The following TG variants were observed in gnomAD, a reference collection of about 807,000 sequenced individuals.
TG encodes the protein thyroid hormones.
Under a neutral mutation model 324.7 loss-of-function variants are expected in TG, and 270 were observed. That is an observed-to-expected ratio of 0.83 (90% CI 0.75 to 0.92). The LOEUF (loss-of-function observed/expected upper bound fraction) is 0.92. TG is among the 40% of genes least tolerant of loss of function. TG has a pLI of 0.00. For missense variants in TG, 3,591 were observed against 3,456.4 expected, an observed-to-expected ratio of 1.04 and a Z score of -0.98; for synonymous variants, 1,401 against 1,327.0, an observed-to-expected ratio of 1.06 and a Z score of -1.21.
chr8:133,046,606 A>T (rs912202833), intron 41 of TG: 1 of 152,206 alleles, frequency 6.6e-6, no homozygotes, highest in African/African-American at 2.4e-5. Flanking sequence ...GCCTGATGAC[A>T]TCGTTATTTT....
At chr8:132,932,651 T>C (rs960476983) in intron 23 of TG, among the ~76,000 whole-genome samples, 1 of 152,234 alleles carries the variant, frequency 6.6e-6, no homozygotes, top group African/African-American at 2.4e-5. Context: ...TCGTTACTCA[T>C]GAATATTACA....
intron 26 of TG, among the ~76,000 whole-genome samples, chr8:132,945,698 ACAGGTAGAGAATATG>A (rs1825161783): frequency 6.6e-6 from 1 of 152,194 alleles, no homozygotes; most frequent in Non-Finnish European, 1.5e-5. Flanking sequence ...CAGCTACATA[ACAGGTAGAGAATATG>A]CAAAGAGATA....
chr8:132,976,990 A>T (rs1830251912), intron 34 of TG, among the ~76,000 whole-genome samples: 1 of 152,214 alleles, frequency 6.6e-6, no homozygotes, highest in East Asian at 1.9e-4. Context: ...CAGGTGGGCC[A>T]TGTGGACCAG....
At chr8:133,082,964 T>G (rs996292714) in intron 41 of TG, among the ~76,000 whole-genome samples, 1 of 152,222 alleles carries the variant, frequency 6.6e-6, no homozygotes, top group Admixed American at 6.5e-5. Flanking sequence ...TGAAATCATC[T>G]GTCAGCGCCT....
chr8:132,896,712 G>A (rs566223359), intron 11 of TG, among the ~76,000 whole-genome samples: 3 of 151,908 alleles, frequency 2.0e-5, no homozygotes, highest in African/African-American at 4.8e-5. Flanking sequence ...ATTCATTCAC[G>A]CTTTTTTCCC....
chr8:132,901,476 G>A lies in TG; in HGVS notation c.3557G>A (p.Gly1186Asp). 1 of 1,614,192 alleles carries A rather than the reference G, an allele frequency of 6.2e-7. No individual in the cohort carries two copies. The highest frequency in any genetic ancestry group is 1.7e-5 in the Admixed American group (1 of 60,038). The change falls in exon 16 of 48, where the codon GGC becomes GAC. Residue 1186 changes from glycine to aspartate, a missense_variant. Transcript: ENST00000220616. Reference sequence around the variant, plus strand: ...CCAGTGCAATGTGACCAGGCCCAGGGCAGCTGCTGGTGTGTCATGGACAGC... The same window carrying A: ...CCAGTGCAATGTGACCAGGCCCAGGACAGCTGCTGGTGTGTCATGGACAGC... ...FSPVQCDQAQ[G>D]SCWCVMDSGE...
At chr8:132,948,563 G>C (rs1170876899) in intron 26 of TG, among the ~76,000 whole-genome samples, 1 of 152,140 alleles carries the variant, frequency 6.6e-6, no homozygotes, top group Non-Finnish European at 1.5e-5. Flanking sequence ...CTTGAAGGTG[G>C]CCCTCCCCTT....
intron 41 of TG, chr8:133,076,793 C>T (rs1008509177): frequency 1.3e-5 from 2 of 150,488 alleles, no homozygotes; most frequent in Non-Finnish European, 2.9e-5. Context: ...CTGCAAAAGC[C>T]CTGCCCTTCC....
At chr8:132,900,429 C>G (rs1301023977) in intron 15 of TG, 90 bp downstream of exon 15, 34 of 1,205,040 alleles carry the variant, frequency 2.8e-5, no homozygotes, top group Middle Eastern at 5.4e-4. Flanking sequence ...TGTCCCAGCT[C>G]TACTGCTTCC....
intron 47 of TG, among the ~76,000 whole-genome samples, chr8:133,133,913 G>C (rs1852147496): frequency 6.6e-6 from 1 of 152,186 alleles, no homozygotes; most frequent in South Asian, 2.1e-4. Flanking sequence ...AGGAGAGAAG[G>C]TCTATGGGGG....
At chr8:133,083,953 A>G (rs952257400) in intron 41 of TG, among the ~76,000 whole-genome samples, 4 of 152,072 alleles carry the variant, frequency 2.6e-5, no homozygotes, top group African/African-American at 9.7e-5. Context: ...AGCCCAGGCC[A>G]TGCCTCCTGT....
chr8:132,984,200 C>T lies in TG; in HGVS notation c.6262+788C>T, dbSNP rs145931770. 2.8e-3 allele frequency among the ~76,000 whole-genome samples: 427 copies of T among 152,294 alleles called. 2 individuals carry two copies. Among genetic ancestry groups the T allele is most frequent in the African/African-American group, 1.0e-2 (414 of 41,560 alleles). On this transcript the variant is annotated intron_variant, in intron 35 of 47. Coordinates refer to ENST00000220616, the MANE Select transcript of TG (RefSeq NM_003235.5). ...GTCCTGTGACATGATGTCTAAGGGGCCCTAGAAATCTGTCATTATGGCTAT... is the reference window on the plus strand; with the variant it reads ...GTCCTGTGACATGATGTCTAAGGGGTCCTAGAAATCTGTCATTATGGCTAT...
intron 41 of TG, chr8:133,049,557 A>G (rs1840041224): frequency 3.2e-6 from 1 of 308,618 alleles, no homozygotes; most frequent in Non-Finnish European, 6.3e-6. Flanking sequence ...TAAGTGACAG[A>G]GGCAGGATTT....
At chr8:133,067,897 AGGAAGGAAGGAAGGAAG>A (rs1564145710) in intron 41 of TG, among the ~76,000 whole-genome samples, 6 of 115,888 alleles carry the variant, frequency 5.2e-5, no homozygotes, top group East Asian at 3.2e-4. Context: ...TATGTATGGA[AGGAAGGAAGGAAGGAAG>A]GAAAGAGAGA....
At chr8:133,081,030 T>C (rs7009823) in intron 41 of TG, among the ~76,000 whole-genome samples, 39,044 of 152,234 alleles carry the variant, frequency 0.26, 5,318 homozygotes, top group African/African-American at 0.31. Flanking sequence ...AGTTGTGTGA[T>C]CTTGTGGGAC....
intron 41 of TG, among the ~76,000 whole-genome samples, chr8:133,032,145 G>C (rs933510286): frequency 3.9e-5 from 6 of 152,182 alleles, no homozygotes; most frequent in African/African-American, 1.4e-4. Context: ...CAGATGACTG[G>C]GGGAAGTTTC....
intron 19 of TG, 132 bp downstream of exon 19, chr8:132,911,665 A>G (rs570812103): frequency 1.6e-5 from 12 of 741,554 alleles, no homozygotes; most frequent in East Asian, 2.6e-5. Context: ...AGAGCTAATT[A>G]TTTAAAAACA....
At chr8:132,993,789 A>G (rs1356247124) in intron 35 of TG, among the ~76,000 whole-genome samples, 1 of 152,246 alleles carries the variant, frequency 6.6e-6, no homozygotes, top group Non-Finnish European at 1.5e-5. Context: ...TACCTGGTCC[A>G]TCAAAAATTT....
chr8:132,917,889 A>ATATTTTTTTTT (rs528246451), intron 20 of TG, among the ~76,000 whole-genome samples: 2 of 138,766 alleles, frequency 1.4e-5, no homozygotes, highest in Non-Finnish European at 3.1e-5. Context: ...GGTTTTTGCA[A>ATATTTTTTTTT]TTTTTTTTTT....
Sources: gnomAD v4.1 joint callset for allele counts (sites outside exome capture counted in the v4.1 genomes callset) on GRCh38, gnomAD v4.1.1 for gene constraint, MANE v1.5 for transcripts, NCBI Gene and HGNC (gene_info 2026-07-23, HGNC 2026-07-21) for gene names.